Variants in PECAM1 observed in about 807,000 individuals in gnomAD.
The protein encoded by PECAM1 is platelet and endothelial cell adhesion molecule 1, also known as platelet endothelial cell adhesion molecule.
In PECAM1, 8 loss-of-function variants were observed where a neutral mutation model predicts 13.8. The observed-to-expected ratio is 0.58, with a 90% confidence interval of 0.34 to 1.05. The LOEUF (loss-of-function observed/expected upper bound fraction) is 1.05. Ranked by LOEUF, PECAM1 falls within the 50% of genes least tolerant of loss-of-function variation. The probability of loss-of-function intolerance (pLI) is 0.03; values close to 1 mark genes in which losing one functional copy is unlikely to be tolerated. For synonymous variants in PECAM1, 136 were observed against 52.6 expected (o/e 2.58, Z -6.86); for missense variants, 304 against 141.2 (o/e 2.15, Z -5.84).
intron 13 of PECAM1, among the ~76,000 whole-genome samples, chr17:64,342,595 T>TG (rs1197572275): frequency 7.9e-5 from 12 of 151,988 alleles, no homozygotes; most frequent in African/African-American, 1.9e-4. Flanking sequence ...TGGATTGGTC[T>TG]GGGGGGGTCC....
chr17:64,330,394 A>C (rs77062234), intron 14 of PECAM1, among the ~76,000 whole-genome samples: 1 of 151,574 alleles, frequency 6.6e-6, no homozygotes, highest in Non-Finnish European at 1.5e-5. Context: ...TGTAATCCCA[A>C]CAGTTGGAGA....
intron 9 of PECAM1, among the ~76,000 whole-genome samples, chr17:64,354,288 TCC>T: frequency 6.6e-6 from 1 of 152,172 alleles, no homozygotes; most frequent in African/African-American, 2.4e-5. Flanking sequence ...GCGAAATCAA[TCC>T]CTGCGTTTGT....
chr17:64,373,095 A>G (rs1300798114), intron 4 of PECAM1, among the ~76,000 whole-genome samples: 2 of 149,784 alleles, frequency 1.3e-5, no homozygotes, highest in Non-Finnish European at 3.0e-5. Flanking sequence ...CTGGGCAACA[A>G]GAGTGAAACT....
Position 64,360,399 on chromosome 17 carries a change from G to T in PECAM1, c.1233C>A (p.Pro411=), listed in dbSNP as rs2035945828. ...CAAACTGGGCATCATAAGAAATCCTGGGCTGGGAGAGCATTTCTAGAACAG... is the reference window on the plus strand; with the variant it reads ...CAAACTGGGCATCATAAGAAATCCTTGGCTGGGAGAGCATTTCTAGAACAG... ...QIVVCEMLSQ[P]RISYDAQFEV... The change falls in exon 7 of 16, where the codon CCC becomes CCA. Residue 411 remains proline (P), a synonymous_variant. Coordinates refer to ENST00000563924, the MANE Select transcript of PECAM1 (RefSeq NM_000442.5). The T allele has an allele frequency of 1.3e-5, 6 of 475,272 alleles. 1 individual carries two copies. The South Asian group carries it at 4.0e-4, about 32-fold the overall frequency. The allele number at this position is 475,272 out of a possible 1,614,324, so 29.4% of individuals were successfully genotyped here.
chr17:64,329,001 T>C (rs2035031453), intron 15 of PECAM1, among the ~76,000 whole-genome samples: 1 of 152,138 alleles, frequency 6.6e-6, no homozygotes, highest in Non-Finnish European at 1.5e-5. Flanking sequence ...AAGCCCTGAC[T>C]TATCTTTCTC....
intron 5 of PECAM1, among the ~76,000 whole-genome samples, chr17:64,363,951 G>C (rs2036044519): frequency 6.6e-6 from 1 of 152,090 alleles, no homozygotes; most frequent in East Asian, 1.9e-4. Flanking sequence ...TAAGCTAGCA[G>C]AAGGCAAGAA....
In PECAM1 at chr17:64,369,796, C is replaced by G; in HGVS notation, c.921G>C (p.Glu307Asp). The part of the protein sequence containing the change: ...EHSGNYTCKV[E>D]SSRISKVSSI... ...TGCTGACCTTGGATATGCGGCTGGA[C>G]TCCACTTTGCACGTGTAGTTGCCAC... The change falls in exon 5 of 16, where the codon GAG (glutamate) becomes GAC (aspartate). Residue 307 changes from glutamate to aspartate, a missense_variant. Transcript: ENST00000563924. 2.5e-6 allele frequency: 1 copy of G among 398,684 alleles called. No individual in the cohort carries two copies. The highest frequency in any genetic ancestry group is 4.4e-6 in the Non-Finnish European group (1 of 226,104). 24.7% of individuals were successfully genotyped at this position (398,684 alleles called of 1,614,324 possible).
intron 8 of PECAM1, among the ~76,000 whole-genome samples, chr17:64,355,359 C>A (rs2035822549): frequency 6.6e-6 from 1 of 152,202 alleles, no homozygotes; most frequent in South Asian, 2.1e-4. Flanking sequence ...AGGCTGATGA[C>A]AGCTCACTGC....
intron 14 of PECAM1, among the ~76,000 whole-genome samples, chr17:64,333,909 A>T (rs1483363472): frequency 7.4e-6 from 1 of 134,262 alleles, no homozygotes; most frequent in East Asian, 2.3e-4. Flanking sequence ...GCGCCACTGC[A>T]CTCCAGCCTG....
chr17:64,327,401 C>G (rs1555645897), intron 15 of PECAM1, among the ~76,000 whole-genome samples: 2 of 152,322 alleles, frequency 1.3e-5, no homozygotes, highest in East Asian at 3.9e-4. Context: ...GATAAGGAAG[C>G]TTGAGCTTGA....
At chr17:64,344,442 C>T (rs890821992) in intron 13 of PECAM1, among the ~76,000 whole-genome samples, 5 of 152,002 alleles carry the variant, frequency 3.3e-5, no homozygotes, top group Admixed American at 6.6e-5. Flanking sequence ...ATGGCTTCAA[C>T]GTCATGGGGT....
intron 2 of PECAM1, among the ~76,000 whole-genome samples, chr17:64,387,222 G>T (rs1006899035): frequency 6.6e-6 from 1 of 152,160 alleles, no homozygotes; most frequent in African/African-American, 2.4e-5. Context: ...GGAAGTGTCC[G>T]TTGCATTTGG....
At position 64,347,535 on chromosome 17, in the gene PECAM1, GAA is replaced by G. The variant is rs1290671032; in HGVS notation, c.2107+723_2107+724del. Among the ~76,000 whole-genome samples, 408 of 59,012 alleles carry G rather than the reference GAA, an allele frequency of 6.9e-3. 4 individuals carry two copies. The highest frequency in any genetic ancestry group is 0.03 in the African/African-American group (393 of 13,182). The allele number at this position is 59,012 out of a possible 152,430, so 38.7% of individuals were successfully genotyped here. ...CAGAGTGAGACTCCGTCTCAACAAA[GAA>G]AAAAAAAATATATATATATATATAA... On this transcript the variant is annotated intron_variant, in intron 13 of 15. Coordinates refer to ENST00000563924, the MANE Select transcript of PECAM1 (RefSeq NM_000442.5).
intron 2 of PECAM1, among the ~76,000 whole-genome samples, chr17:64,388,645 G>A (rs2143925427): frequency 1.3e-5 from 2 of 152,184 alleles, no homozygotes; most frequent in South Asian, 2.1e-4. Flanking sequence ...TGCCTCTCTC[G>A]TGGACAAATC....
intron 14 of PECAM1, among the ~76,000 whole-genome samples, chr17:64,333,783 C>T (rs894968876): frequency 1.5e-4 from 22 of 151,344 alleles, no homozygotes; most frequent in Non-Finnish European, 2.7e-4. Context: ...TGTGACGAAA[C>T]CCCATCTCTA....
At chr17:64,350,273 A>G (rs2035686653) in intron 12 of PECAM1, 107 bp downstream of exon 12, 1 of 394,494 alleles carries the variant, frequency 2.5e-6, no homozygotes, top group South Asian at 1.4e-4. Flanking sequence ...TCATTAAGAG[A>G]GGTGGGAAAT....
At chr17:64,371,517 T>C (rs974483272) in intron 4 of PECAM1, among the ~76,000 whole-genome samples, 1 of 151,854 alleles carries the variant, frequency 6.6e-6, no homozygotes, top group African/African-American at 2.4e-5. Context: ...TCAAAAAACA[T>C]ATTATAAAAT....
In PECAM1 at chr17:64,338,246, T is replaced by TTC. The variant is rs1320333131; in HGVS notation, c.2164+3387_2164+3388insGA. ...TTTTTTAAATTTTTTAAAATTTTTT[T>TTC]TTTTTTTTTTTTTTTTAGAGATGGG... On this transcript the variant is annotated intron_variant, in intron 14 of 15. Transcript: ENST00000563924. 2.9e-4 allele frequency among the ~76,000 whole-genome samples: 43 copies of TTC among 146,282 alleles called. No individual in the cohort carries two copies. In the East Asian group the frequency reaches 8.1e-3, roughly 28 times the overall value.
chr17:64,386,084 G>T (rs1391701012), intron 2 of PECAM1, among the ~76,000 whole-genome samples: 1 of 152,180 alleles, frequency 6.6e-6, no homozygotes, highest in Non-Finnish European at 1.5e-5. Context: ...GGAAGGATAG[G>T]CTGGGGATCT....
Sources: allele counts gnomAD v4.1 joint callset (sites outside exome capture counted in the v4.1 genomes callset), GRCh38; gene constraint gnomAD v4.1.1; transcripts MANE v1.5; gene names NCBI Gene and HGNC (gene_info 2026-07-23, HGNC 2026-07-21).